Variants in PDGFRA observed in about 807,000 individuals in gnomAD.
The protein encoded by PDGFRA is platelet derived growth factor receptor alpha.
PDGFRA carries 25 observed loss-of-function variants against 121.5 expected under a neutral mutation model. That is an observed-to-expected ratio of 0.21 (90% confidence interval 0.15 to 0.29). The LOEUF is 0.29. Ranked by LOEUF, PDGFRA falls within the 10% of genes least tolerant of loss-of-function variation. PDGFRA has a pLI of 1.00. For missense variants in PDGFRA, 1,008 were observed against 1,345.1 expected (o/e 0.75, Z 3.92); for synonymous variants, 463 against 494.8 (o/e 0.94, Z 0.85).
Position 54,273,555 on chromosome 4 carries a change from C to T in PDGFRA, c.1383C>T (p.Ser461=). 6.2e-7 allele frequency: 1 copy of T among 1,614,100 alleles called. No homozygotes were observed. The highest frequency in any genetic ancestry group is 1.1e-5 in the South Asian group (1 of 91,080). Residue 461 remains serine (S), a synonymous_variant, in exon 10 of 23, where the codon TCC becomes TCT. Coordinates refer to ENST00000257290, the MANE Select transcript of PDGFRA (RefSeq NM_006206.6). ...TCTCTAGATGTAATAATGAAACTTC[C>T]TGGACTATTTTGGCCAACAATGTCT... ...KDIKKCNNET[S]WTILANNVSN... is the part of the protein sequence containing the mutation.
At chr4:54,276,944 G>C (rs936878042) in intron 12 of PDGFRA, among the ~76,000 whole-genome samples, 1 of 152,160 alleles carries the variant, frequency 6.6e-6, no homozygotes, top group Non-Finnish European at 1.5e-5. Flanking sequence ...TCACTCCTTA[G>C]AATCAGTGAT....
intron 1 of PDGFRA, among the ~76,000 whole-genome samples, chr4:54,235,274 T>G (rs1720948561): frequency 6.6e-6 from 1 of 151,808 alleles, no homozygotes; most frequent in Admixed American, 6.6e-5. Context: ...CATGTGAGGG[T>G]GGGGTGAAAT....
chr4:54,260,018 C>A (rs530247597), intron 2 of PDGFRA, among the ~76,000 whole-genome samples: 96 of 152,272 alleles, frequency 6.3e-4, no homozygotes, highest in African/African-American at 2.0e-3. Context: ...ACCTTCAGTT[C>A]CTTTGCTGCA....
chr4:54,276,425 A>G (rs759835329), intron 12 of PDGFRA, among the ~76,000 whole-genome samples: 35 of 152,138 alleles, frequency 2.3e-4, no homozygotes, highest in Admixed American at 3.9e-4. Flanking sequence ...TGTCTTGGTA[A>G]ATCGGCTCTG....
intron 1 of PDGFRA, among the ~76,000 whole-genome samples, chr4:54,250,855 A>G (rs1351141588): frequency 2.6e-5 from 4 of 152,088 alleles, no homozygotes; most frequent in Admixed American, 2.6e-4. Flanking sequence ...ACGTGGGGTC[A>G]GGAGTTCAAG....
chr4:54,261,208 G>T lies in PDGFRA; in HGVS notation c.163G>T (p.Val55Leu), dbSNP rs773412686. 1 of 1,614,196 alleles carries T rather than the reference G, an allele frequency of 6.2e-7. No homozygotes were observed. Among genetic ancestry groups the T allele is most frequent in the Admixed American group, 1.7e-5 (1 of 60,016 alleles). The stretch of plus-strand genomic sequence containing the variant: ...TCTGAGATGCTTTGGGGAGAGTGAA[G>T]TGAGCTGGCAGTACCCCATGTCTGA... ...FSLRCFGESE[V>L]SWQYPMSEEE... The change falls in exon 3 of 23, where the codon GTG becomes TTG. Residue 55 changes from valine (V) to leucine (L), a missense_variant. By Grantham distance (32) the Val-to-Leu change is conservative. Around this residue, in one of 5 missense-constraint regions of PDGFRA, gnomAD observed 575 missense variants for 701.8 expected, o/e 0.82. Coordinates refer to ENST00000257290, the MANE Select transcript of PDGFRA (RefSeq NM_006206.6).
At chr4:54,255,141 C>T (rs757300380) in intron 1 of PDGFRA, among the ~76,000 whole-genome samples, 2 of 152,186 alleles carry the variant, frequency 1.3e-5, no homozygotes, top group Non-Finnish European at 2.9e-5. Flanking sequence ...CGAAACCTCT[C>T]TGAGCCTCAA....
At position 54,265,081 on chromosome 4, in the gene PDGFRA, A is replaced by C. The variant is rs199771087; in HGVS notation, c.759+32A>C. 63 of 1,611,536 alleles carry C rather than the reference A, an allele frequency of 3.9e-5. No homozygotes were observed. In the African/African-American group the frequency reaches 6.8e-4, roughly 17 times the overall value. ...ACCCTCAAAACGTGCAATGGCTTGG[A>C]GCAGAGCAACAGGGCTCAGAAGACC... On this transcript the variant is annotated intron_variant, in intron 5 of 22. Transcript: ENST00000257290.
chr4:54,277,535 T>C (rs1355209608), intron 13 of PDGFRA, 43 bp downstream of exon 13: 3 of 1,289,826 alleles, frequency 2.3e-6, no homozygotes, highest in African/African-American at 1.5e-5. Flanking sequence ...CGGGGATTTT[T>C]TGAGCATGGG....
In PDGFRA at chr4:54,273,524, T is replaced by A. The variant is rs1723520320; in HGVS notation, c.1365-13T>A. ...AGGAATTGGCCCTATACTTAGGCCC[T>A]TTTTCTCTCTAGATGTAATAATGAA... On this transcript the variant is annotated splice_polypyrimidine_tract_variant and intron_variant, in intron 9 of 22. Transcript: ENST00000257290. 2 of 1,609,282 alleles carry A rather than the reference T, an allele frequency of 1.2e-6. No individual in the cohort carries two copies. The highest frequency in any genetic ancestry group is 1.7e-6 in the Non-Finnish European group (2 of 1,175,830).
chr4:54,238,743 A>G (rs1363344910), intron 1 of PDGFRA, among the ~76,000 whole-genome samples: 1 of 152,188 alleles, frequency 6.6e-6, no homozygotes, highest in Non-Finnish European at 1.5e-5. Context: ...AGGCAGGAAG[A>G]TTGCTTGAGC....
intron 1 of PDGFRA, among the ~76,000 whole-genome samples, chr4:54,238,980 G>A (rs913837278): frequency 1.1e-4 from 17 of 151,890 alleles, no homozygotes; most frequent in African/African-American, 3.9e-4. Context: ...CTCAAAAATA[G>A]ATAAATAAAT....
intron 3 of PDGFRA, among the ~76,000 whole-genome samples, chr4:54,262,831 G>A (rs1722828654): frequency 6.6e-6 from 1 of 152,198 alleles, no homozygotes; most frequent in African/African-American, 2.4e-5. Flanking sequence ...ATGTGTTAAA[G>A]GCACACGAGT....
chr4:54,287,579 G>A (rs1266793300), intron 19 of PDGFRA, 38 bp downstream of exon 19: 1 of 839,300 alleles, frequency 1.2e-6, no homozygotes. Flanking sequence ...GGGCTGTTCT[G>A]AAACACCACT....
chr4:54,278,809 T>G (rs1424048025), intron 15 of PDGFRA: 1 of 548,288 alleles, frequency 1.8e-6, no homozygotes, highest in Admixed American at 2.2e-5. Flanking sequence ...CTTAGACCTA[T>G]AAAATGCAGC....
At chr4:54,291,555 A>G (rs1724632771) in intron 22 of PDGFRA, among the ~76,000 whole-genome samples, 1 of 152,236 alleles carries the variant, frequency 6.6e-6, no homozygotes, top group Non-Finnish European at 1.5e-5. Flanking sequence ...CACTAGAGAA[A>G]TGCAAATCAG....
rs1388959162 is a variant in PDGFRA, at chr4:54,264,980, G to A, written c.690G>A (p.Thr230=). The A allele has an allele frequency of 3.7e-6, 6 of 1,612,862 alleles. No individual in the cohort carries two copies. Among genetic ancestry groups the A allele is most frequent in the African/African-American group, 1.3e-5 (1 of 74,866 alleles). The part of the protein sequence containing the change: ...ALKTVYKSGE[T]IVVTCAVFNN... ...AAACCGTGTATAAGTCAGGGGAAAC[G>A]ATTGTGGTCACCTGTGCTGTTTTTA... The change falls in exon 5 of 23, where the codon ACG becomes ACA. Residue 230 remains threonine, a synonymous_variant. Coordinates refer to ENST00000257290, the MANE Select transcript of PDGFRA (RefSeq NM_006206.6).
chr4:54,285,311 T>A lies in PDGFRA; in HGVS notation c.2324-60T>A. On this transcript the variant is annotated intron_variant, in intron 16 of 22. Transcript: ENST00000257290. ...TGGATGTGTTCTTTGGGCATGCCTC[T>A]GCAACCTGATGATTTCCTGCTGCCT... The A allele has an allele frequency of 2.5e-6, 2 of 795,468 alleles. 1 individual carries two copies. 49.3% of individuals were successfully genotyped at this position (795,468 alleles called of 1,614,324 possible). A position where few individuals can be genotyped will look rare whatever the true frequency, so the allele number is the denominator to read the frequency against.
intron 1 of PDGFRA, among the ~76,000 whole-genome samples, chr4:54,241,032 G>C (rs1268239117): frequency 6.6e-6 from 1 of 152,132 alleles, no homozygotes; most frequent in Non-Finnish European, 1.5e-5. Context: ...CATAAAAAGA[G>C]TAAATAAGTC....
Sources: gnomAD v4.1 joint callset for allele counts (sites outside exome capture counted in the v4.1 genomes callset) on GRCh38, gnomAD v4.1.1 for gene constraint, gnomAD v4.1.1 regional missense constraint, MANE v1.5 for transcripts, NCBI Gene and HGNC (gene_info 2026-07-23, HGNC 2026-07-21) for gene names.